Variants in TPST2 observed in about 807,000 individuals in gnomAD.
TPST2 encodes the protein tyrosylprotein sulfotransferase 2.
In TPST2, 16 loss-of-function variants were observed where a neutral mutation model predicts 27.8. That is an observed-to-expected ratio of 0.58 (90% CI 0.39 to 0.88). TPST2 has a LOEUF of 0.88. Ranked by LOEUF, TPST2 falls within the 40% of genes least tolerant of loss-of-function variation. The probability of loss-of-function intolerance (pLI) is 0.00; values close to 1 mark genes in which losing one functional copy is unlikely to be tolerated. For synonymous variants in TPST2, 229 were observed against 231.7 expected, an observed-to-expected ratio of 0.99 and a Z score of 0.10; for missense variants, 464 against 543.1, an observed-to-expected ratio of 0.85 and a Z score of 1.45.
intron 1 of TPST2, among the ~76,000 whole-genome samples, chr22:26,574,364 C>A (rs1927747900): frequency 6.6e-6 from 1 of 152,200 alleles, no homozygotes; most frequent in African/African-American, 2.4e-5. Flanking sequence ...AGAGAAGTGT[C>A]TGGAGCAAGG....
intron 5 of TPST2, among the ~76,000 whole-genome samples, chr22:26,529,967 G>A (rs944721160): frequency 1.3e-5 from 2 of 152,214 alleles, no homozygotes; most frequent in Admixed American, 6.5e-5. Flanking sequence ...GTGGGAATCA[G>A]AGATCTATCT....
At chr22:26,556,884 C>A (rs1466887331) in intron 1 of TPST2, among the ~76,000 whole-genome samples, 2 of 152,166 alleles carry the variant, frequency 1.3e-5, no homozygotes, top group Non-Finnish European at 2.9e-5. Flanking sequence ...CACTTGATGG[C>A]ATATTGTGGA....
chr22:26,579,660 TG>T (rs1928011412), intron 1 of TPST2, among the ~76,000 whole-genome samples: 1 of 151,906 alleles, frequency 6.6e-6, no homozygotes, highest in South Asian at 2.1e-4. Flanking sequence ...GCAAGTGGGA[TG>T]AAAAGTTTTT....
chr22:26,543,808 A>G (rs976563275), intron 2 of TPST2, among the ~76,000 whole-genome samples: 1 of 152,242 alleles, frequency 6.6e-6, no homozygotes, highest in African/African-American at 2.4e-5. Flanking sequence ...TGAGCAGAAG[A>G]CAGCAATGAC....
At chr22:26,546,454 C>T (rs1293240554) in intron 1 of TPST2, among the ~76,000 whole-genome samples, 1 of 152,232 alleles carries the variant, frequency 6.6e-6, no homozygotes, top group Non-Finnish European at 1.5e-5. Context: ...ATGGCTCGCC[C>T]AGCTGCCCTC....
intron 1 of TPST2, among the ~76,000 whole-genome samples, chr22:26,553,545 T>C (rs1469032331): frequency 6.6e-6 from 1 of 151,866 alleles, no homozygotes; most frequent in Non-Finnish European, 1.5e-5. Flanking sequence ...GTTAATTTTT[T>C]ATTTTTGTGG....
intron 3 of TPST2, among the ~76,000 whole-genome samples, chr22:26,537,793 C>G (rs1209728210): frequency 6.6e-6 from 1 of 152,134 alleles, no homozygotes; most frequent in Non-Finnish European, 1.5e-5. Context: ...CATGCTCTCT[C>G]TCCTGTGCAC....
chr22:26,571,102 C>T (rs542448933), intron 1 of TPST2, among the ~76,000 whole-genome samples: 5 of 152,304 alleles, frequency 3.3e-5, no homozygotes, highest in Admixed American at 2.6e-4. Context: ...TCCCACTTTA[C>T]TCAGGAAAAA....
In TPST2 at chr22:26,527,437, G is replaced by A. The variant is rs540919232; in HGVS notation, c.*7+777C>T. On this transcript the variant is annotated intron_variant, in intron 6 of 6. Transcript: ENST00000338754. ...CATCTCATGGCCAACCTCAGAGGTG[G>A]GCAATGATGAATCCCCATTCTCCAG... is the stretch of plus-strand genomic sequence containing the variant. Among the ~76,000 whole-genome samples the A allele has an allele frequency of 3.3e-5, 5 of 152,284 alleles. No homozygotes were observed. In the South Asian group the frequency reaches 6.2e-4, roughly 19 times the overall value.
intron 5 of TPST2, among the ~76,000 whole-genome samples, chr22:26,529,906 C>T (rs1925057893): frequency 6.6e-6 from 1 of 152,122 alleles, no homozygotes; most frequent in African/African-American, 2.4e-5. Context: ...AGCTAGGGAC[C>T]ATGGCTTTTG....
intron 4 of TPST2, among the ~76,000 whole-genome samples, chr22:26,535,322 G>C (rs1925392191): frequency 6.6e-6 from 1 of 152,210 alleles, no homozygotes; most frequent in African/African-American, 2.4e-5. Flanking sequence ...GGCTGTGAAA[G>C]CTCTTCCTCA....
chr22:26,582,883 G>A (rs11704520), intron 1 of TPST2, among the ~76,000 whole-genome samples: 52,172 of 151,748 alleles, frequency 0.34, 9,494 homozygotes, highest in Admixed American at 0.44. Flanking sequence ...ATCTCACTGT[G>A]GGGAACAACA....
At chr22:26,531,329 G>C (rs1204314456) in intron 5 of TPST2, among the ~76,000 whole-genome samples, 1 of 152,200 alleles carries the variant, frequency 6.6e-6, no homozygotes, top group Non-Finnish European at 1.5e-5. Context: ...ACACTACGTA[G>C]CCATCCAAAA....
In TPST2 at chr22:26,574,313, T is replaced by G. The variant is rs1402650961; in HGVS notation, c.-161+15740A>C. Among the ~76,000 whole-genome samples the G allele has an allele frequency of 2.6e-5, 4 of 152,178 alleles. No individual in the cohort carries two copies. The East Asian group carries it at 7.7e-4, about 29-fold the overall frequency. Reference sequence around the variant, plus strand: ...TTATCTGTCACCCACAAAATAATCATTATTATGATCCCTGTTGCACAGATG... The same window carrying G: ...TTATCTGTCACCCACAAAATAATCAGTATTATGATCCCTGTTGCACAGATG... On this transcript the variant is annotated intron_variant, in intron 1 of 6. Coordinates refer to ENST00000338754, the MANE Select transcript of TPST2 (RefSeq NM_003595.5).
intron 3 of TPST2, among the ~76,000 whole-genome samples, chr22:26,538,057 T>C (rs978258068): frequency 6.6e-6 from 1 of 152,202 alleles, no homozygotes; most frequent in Non-Finnish European, 1.5e-5. Context: ...ACCTGAATGA[T>C]GCAGATCTTA....
chr22:26,542,385 A>G (rs565203473), intron 2 of TPST2, among the ~76,000 whole-genome samples: 2 of 151,674 alleles, frequency 1.3e-5, no homozygotes, highest in East Asian at 3.9e-4. Context: ...GCACCTGGCT[A>G]ATTTTTAGAA....
At chr22:26,542,240 TAA>T (rs537567197) in intron 2 of TPST2, among the ~76,000 whole-genome samples, 15 of 115,916 alleles carry the variant, frequency 1.3e-4, no homozygotes, top group African/African-American at 1.0e-4. Context: ...AGACTCCGTC[TAA>T]AAAAAAAAAA....
Position 26,541,232 on chromosome 22 carries a change from C to G in TPST2, c.399G>C (p.Leu133=), listed in dbSNP as rs140525210. 33,120 of 1,556,062 alleles carry G rather than the reference C, an allele frequency of 0.021. 419 individuals are homozygous for G. The highest frequency in any genetic ancestry group is 0.025 in the Non-Finnish European group (28,614 of 1,148,712). ...LDEAGVTDEV[L]DAAMQAFILE... is the part of the protein sequence containing the mutation. Reference sequence around the variant, plus strand: ...GGATGAAGGCCTGCATGGCGGCGTCCAGCACCTCATCCGTCACCCCCGCCT... The same window carrying G: ...GGATGAAGGCCTGCATGGCGGCGTCGAGCACCTCATCCGTCACCCCCGCCT... Residue 133 remains leucine, a synonymous_variant, in exon 3 of 7, where the codon CTG becomes CTC. Transcript: ENST00000338754. This position sits in a 1 kb window ranked among gnomAD's most constrained non-coding sequence, Gnocchi z 5.9.
At chr22:26,573,216 A>G (rs1444296680) in intron 1 of TPST2, among the ~76,000 whole-genome samples, 1 of 152,188 alleles carries the variant, frequency 6.6e-6, no homozygotes, top group East Asian at 1.9e-4. Flanking sequence ...TTTTTTGTCG[A>G]GATGAGGTCT....
Sources: gnomAD v4.1 joint callset for allele counts (sites outside exome capture counted in the v4.1 genomes callset) on GRCh38, gnomAD v4.1.1 for gene constraint, Gnocchi (gnomAD v3.1) non-coding constraint, MANE v1.5 for transcripts, NCBI Gene and HGNC (gene_info 2026-07-23, HGNC 2026-07-21) for gene names.